Variants in C8orf34 observed in about 807,000 individuals in gnomAD.
C8orf34 encodes the protein uncharacterized protein C8orf34.
A neutral mutation model predicts 68.3 loss-of-function variants in C8orf34; 65 were observed. The ratio of observed to expected loss-of-function variants is 0.95; its 90% confidence interval spans 0.78 to 1.17. The LOEUF is 1.17. Among genes scored for constraint, C8orf34 ranks in the 50% most tolerant of loss-of-function variants. The pLI is 0.00. For synonymous variants in C8orf34, 244 were observed against 241.2 expected (o/e 1.01, Z -0.11); for missense variants, 664 against 655.4 (o/e 1.01, Z -0.14).
intron 12 of C8orf34, among the ~76,000 whole-genome samples, chr8:68,808,391 CCAAA>C (rs948460492): frequency 1.3e-5 from 2 of 151,720 alleles, no homozygotes; most frequent in Non-Finnish European, 2.9e-5. Context: ...TTTATTTTTG[CCAAA>C]CATAGTATGT....
Position 68,440,809 on chromosome 8 carries a change from A to ATTT in C8orf34, c.475+1174_475+1176dup, listed in dbSNP as rs11454498. ...GAGAAAGGAACATATTAAACTCTGC[A>ATTT]TTTTTTTTTTTTTGAGATGGAGTCT... is the stretch of plus-strand genomic sequence containing the variant. On this transcript the variant is annotated intron_variant, in intron 2 of 13. Transcript: ENST00000518698. Among the ~76,000 whole-genome samples the ATTT allele has an allele frequency of 1.4e-3, 212 of 146,578 alleles. 1 individual carries two copies. Among genetic ancestry groups the ATTT allele is most frequent in the African/African-American group, 2.3e-3 (92 of 39,834 alleles).
intron 11 of C8orf34, among the ~76,000 whole-genome samples, 171 bp downstream of exon 11, chr8:68,776,620 G>A (rs1424032376): frequency 6.6e-6 from 1 of 152,164 alleles, no homozygotes; most frequent in Non-Finnish European, 1.5e-5. Context: ...ACAGGTTTTG[G>A]TCCTCATTGG....
intron 1 of C8orf34, among the ~76,000 whole-genome samples, chr8:68,418,074 C>A (rs1379242136): frequency 3.4e-5 from 5 of 147,232 alleles, no homozygotes; most frequent in Admixed American, 3.4e-4. Context: ...TGGGAGTTCA[C>A]TCATGATTTG....
intron 7 of C8orf34, among the ~76,000 whole-genome samples, chr8:68,587,757 A>G (rs1271827046): frequency 6.6e-6 from 1 of 152,162 alleles, no homozygotes; most frequent in Non-Finnish European, 1.5e-5. Flanking sequence ...CTTGTGTGAC[A>G]AAGAATAACT....
intron 8 of C8orf34, among the ~76,000 whole-genome samples, chr8:68,706,011 CTGAT>C: frequency 6.6e-6 from 1 of 152,222 alleles, no homozygotes; most frequent in South Asian, 2.1e-4. Flanking sequence ...GTCTGTACTC[CTGAT>C]TACATAATTG....
intron 7 of C8orf34, among the ~76,000 whole-genome samples, chr8:68,625,245 A>G (rs1030395242): frequency 6.6e-6 from 1 of 152,194 alleles, no homozygotes; most frequent in Non-Finnish European, 1.5e-5. Flanking sequence ...CTCCCAGTAT[A>G]GAAAGAGGCT....
intron 8 of C8orf34, among the ~76,000 whole-genome samples, chr8:68,660,763 C>T (rs7014810): frequency 0.063 from 9,576 of 152,100 alleles, 336 homozygotes; most frequent in Middle Eastern, 0.11. Flanking sequence ...CCTCAAACAA[C>T]GGAGAGAAAA....
At chr8:68,366,375 T>C (rs1807253229) in intron 1 of C8orf34, among the ~76,000 whole-genome samples, 2 of 134,970 alleles carry the variant, frequency 1.5e-5, no homozygotes, top group Non-Finnish European at 3.1e-5. Flanking sequence ...AATGACTTTC[T>C]TCACAGAATT....
intron 7 of C8orf34, among the ~76,000 whole-genome samples, chr8:68,567,280 T>G (rs1389082082): frequency 6.6e-6 from 1 of 152,142 alleles, no homozygotes; most frequent in Non-Finnish European, 1.5e-5. Flanking sequence ...GTTGGTAATT[T>G]TTAAATTACC....
intron 12 of C8orf34, 34 bp from the exon 13 acceptor site, chr8:68,815,852 C>G (rs768192609): frequency 6.2e-7 from 1 of 1,613,352 alleles, no homozygotes; most frequent in Non-Finnish European, 8.5e-7. Flanking sequence ...TTTTCCTGGC[C>G]TGGCATATTA....
chr8:68,749,215 C>T (rs1822619827), intron 10 of C8orf34, among the ~76,000 whole-genome samples: 1 of 150,662 alleles, frequency 6.6e-6, no homozygotes, highest in South Asian at 2.1e-4. Context: ...GGAAGGGGAA[C>T]ATCACACTCT....
intron 7 of C8orf34, chr8:68,535,068 C>T: frequency 1.0e-6 from 1 of 985,284 alleles, no homozygotes. Context: ...AGATTATCCT[C>T]TTATAGCTTG....
chr8:68,734,841 G>A (rs982451316), intron 10 of C8orf34, among the ~76,000 whole-genome samples: 6 of 152,162 alleles, frequency 3.9e-5, no homozygotes, highest in African/African-American at 1.2e-4. Context: ...TGGGCGGCCA[G>A]ACCTTTCTTG....
chr8:68,690,387 C>T (rs1335514919), intron 8 of C8orf34, among the ~76,000 whole-genome samples: 1 of 152,040 alleles, frequency 6.6e-6, no homozygotes, highest in Non-Finnish European at 1.5e-5. Flanking sequence ...TGACATATGT[C>T]TTAGCCTGTT....
chr8:68,424,166 T>C (rs1810107348), intron 1 of C8orf34, among the ~76,000 whole-genome samples: 2 of 152,148 alleles, frequency 1.3e-5, no homozygotes, highest in Admixed American at 1.3e-4. Context: ...GAATGGACTT[T>C]AAGTCCCAGT....
At chr8:68,665,130 A>C (rs946368458) in intron 8 of C8orf34, among the ~76,000 whole-genome samples, 1 of 152,230 alleles carries the variant, frequency 6.6e-6, no homozygotes, top group African/African-American at 2.4e-5. Flanking sequence ...AAATCATCAA[A>C]ATGAAATTCA....
intron 10 of C8orf34, among the ~76,000 whole-genome samples, chr8:68,770,860 T>C (rs1374128129): frequency 6.6e-6 from 1 of 152,204 alleles, no homozygotes; most frequent in African/African-American, 2.4e-5. Context: ...AAAGGAACTG[T>C]TTATCTTAAC....
At chr8:68,723,451 A>T (rs1377561325) in intron 10 of C8orf34, among the ~76,000 whole-genome samples, 1 of 152,144 alleles carries the variant, frequency 6.6e-6, no homozygotes, top group Admixed American at 6.5e-5. Context: ...AACCAAAGCT[A>T]GGGTTCCAAA....
intron 1 of C8orf34, among the ~76,000 whole-genome samples, chr8:68,422,239 T>G (rs923409337): frequency 6.6e-6 from 1 of 152,232 alleles, no homozygotes; most frequent in African/African-American, 2.4e-5. Flanking sequence ...AAGTCTCATG[T>G]GAGACAAGGC....
Sources: allele counts gnomAD v4.1 joint callset (sites outside exome capture counted in the v4.1 genomes callset), GRCh38; gene constraint gnomAD v4.1.1; transcripts MANE v1.5; gene names NCBI Gene and HGNC (gene_info 2026-07-23, HGNC 2026-07-21).